The following MKNK2 variants were observed in gnomAD, a reference collection of about 807,000 sequenced individuals.
MKNK2 encodes the protein MAPK interacting serine/threonine kinase 2, also known as MAP kinase-interacting serine/threonine-protein kinase 2.
Under a neutral mutation model 55.0 loss-of-function variants are expected in MKNK2, and 54 were observed. The ratio of observed to expected loss-of-function variants is 0.98; its 90% CI spans 0.79 to 1.23. The LOEUF is 1.23. Among genes scored for constraint, MKNK2 ranks in the 50% most tolerant of loss-of-function variants. The probability of loss-of-function intolerance (pLI) is 0.00; values close to 1 mark genes in which losing one functional copy is unlikely to be tolerated. For missense variants in MKNK2, 685 were observed against 632.1 expected (o/e 1.08, Z -0.90); for synonymous variants, 323 against 256.0 (o/e 1.26, Z -2.50).
intron 2 of MKNK2, among the ~76,000 whole-genome samples, chr19:2,047,810 C>CT (rs1289983437): frequency 6.6e-6 from 1 of 152,066 alleles, no homozygotes; most frequent in Non-Finnish European, 1.5e-5. Flanking sequence ...CTGGGGCCTG[C>CT]TGAAGGTGGG....
intron 2 of MKNK2, among the ~76,000 whole-genome samples, chr19:2,048,983 G>A (rs541295219): frequency 2.0e-4 from 30 of 152,304 alleles, no homozygotes; most frequent in African/African-American, 6.7e-4. Context: ...GGTGAGACGG[G>A]AGGCAGCTGC....
At chr19:2,041,778 T>G in intron 11 of MKNK2, 62 bp downstream of exon 11, 2 of 1,356,326 alleles carry the variant, frequency 1.5e-6, no homozygotes, top group Non-Finnish European at 1.9e-6. Context: ...GGTTAGGGGG[T>G]GTTCAGGGCA....
In MKNK2 at chr19:2,051,238, G is replaced by C. The variant is rs913372333; in HGVS notation, c.-239C>G. 1 of 144,512 alleles carries C rather than the reference G, an allele frequency of 6.9e-6. No homozygotes were observed. The highest frequency in any genetic ancestry group is 2.8e-5 in the African/African-American group (1 of 35,250). The allele number at this position is 144,512 out of a possible 1,614,324, so 9.0% of individuals were successfully genotyped here. ...TCTACCTGGGCCACCGCCGCTGAGA[G>C]GAGCCGGGCGCGTCGCCGCCGCCGC... On this transcript the variant is annotated 5_prime_UTR_variant, in exon 1 of 14. Transcript: ENST00000250896.
intron 2 of MKNK2, among the ~76,000 whole-genome samples, chr19:2,048,381 C>T (rs147686497): frequency 6.6e-6 from 1 of 152,200 alleles, no homozygotes; most frequent in African/African-American, 2.4e-5. Flanking sequence ...TGGCCCAGCG[C>T]AGGGACTGCC....
At chr19:2,040,285 C>A in intron 12 of MKNK2, 108 bp from the exon 13 acceptor site, 1 of 1,010,826 alleles carries the variant, frequency 9.9e-7, no homozygotes, top group Non-Finnish European at 1.4e-6. Context: ...TCACCAGGAC[C>A]CCACCGGAGA....
At chr19:2,050,639 C>T (rs994809333) in intron 2 of MKNK2, among the ~76,000 whole-genome samples, 162 bp downstream of exon 2, 1 of 152,192 alleles carries the variant, frequency 6.6e-6, no homozygotes, top group South Asian at 2.1e-4. Context: ...CCTCGCACAC[C>T]GACCCCGCTT....
At chr19:2,048,219 GCA>G (rs1254057934) in intron 2 of MKNK2, among the ~76,000 whole-genome samples, 1 of 152,158 alleles carries the variant, frequency 6.6e-6, no homozygotes, top group African/African-American at 2.4e-5. Flanking sequence ...GTTGCACTGG[GCA>G]GGCTGGGGCT....
At chr19:2,041,268 C>T (rs2016875637) in intron 11 of MKNK2, 64 bp from the exon 12 acceptor site, 7 of 1,542,986 alleles carry the variant, frequency 4.5e-6, no homozygotes, top group Admixed American at 1.8e-5. Context: ...TGCACTGACA[C>T]GTGGCTCCAA....
chr19:2,040,872 C>A (rs985744847), intron 12 of MKNK2, 168 bp downstream of exon 12: 1 of 684,168 alleles, frequency 1.5e-6, no homozygotes, highest in African/African-American at 1.8e-5. Context: ...CACAGGCGGG[C>A]GGTGGGGATT....
chr19:2,047,423 G>T (rs1241984385), intron 2 of MKNK2, among the ~76,000 whole-genome samples: 1 of 152,178 alleles, frequency 6.6e-6, no homozygotes, highest in Non-Finnish European at 1.5e-5. Context: ...TTGCGGGGAG[G>T]GGACAGACAC....
chr19:2,042,717 A>C, intron 8 of MKNK2, 49 bp downstream of exon 8: 1 of 1,547,652 alleles, frequency 6.5e-7, no homozygotes. Context: ...GTCTTCCAGG[A>C]GTCCTTGGCA....
intron 7 of MKNK2, 55 bp from the exon 8 acceptor site, chr19:2,042,925 C>T: frequency 1.3e-6 from 2 of 1,504,706 alleles, no homozygotes; most frequent in South Asian, 1.2e-5. Flanking sequence ...ACCTCAAAGT[C>T]CCCTCAAGGC....
rs1259709048 is a variant in MKNK2, at chr19:2,039,309, G to C, written c.*304C>G. On this transcript the variant is annotated 3_prime_UTR_variant, in exon 14 of 14. Transcript: ENST00000250896. ...GTGACCTGGGGGCACCTTCATAGTAGAGGTGAGCAGGGCGGGGGACCGGGG... is the reference window on the plus strand; with the variant it reads ...GTGACCTGGGGGCACCTTCATAGTACAGGTGAGCAGGGCGGGGGACCGGGG... The C allele has an allele frequency of 3.2e-6, 4 of 1,259,006 alleles. No individual in the cohort carries two copies. In the African/African-American group the frequency reaches 4.5e-5, roughly 14 times the overall value. The allele number at this position is 1,259,006 out of a possible 1,614,324, so 78.0% of individuals were successfully genotyped here.
In MKNK2 at chr19:2,040,175, G is replaced by T; in HGVS notation, c.1113C>A (p.Cys371Ter). ...GAGTGGGCAAGGTGTTCTCCGGGGC[G>T]CACTGCAACGAGAGTGGGCGGGGGC... ...QVLQHPWVQGCAPENTLPTPM... is the reference protein window; with the variant it reads ...QVLQHPWVQG The change falls in exon 13 of 14, where the codon TGC (cysteine) becomes TGA (stop). Residue 371 changes from cysteine (C) to a stop codon, truncating the protein, a stop_gained and splice_region_variant. Transcript: ENST00000250896. LOFTEE classifies it high-confidence loss of function. 3 of 1,581,098 alleles carry T rather than the reference G, an allele frequency of 1.9e-6. No homozygotes were observed. Among genetic ancestry groups the T allele is most frequent in the Non-Finnish European group, 2.6e-6 (3 of 1,164,828 alleles).
Position 2,041,163 on chromosome 19 carries a change from G to A in MKNK2, c.987C>T (p.Phe329=), listed in dbSNP as rs776091288. 23 of 1,613,876 alleles carry A rather than the reference G, an allele frequency of 1.4e-5. No individual in the cohort carries two copies. In the East Asian group the frequency reaches 4.2e-4, roughly 30 times the overall value. The change falls in exon 12 of 14, where the codon TTC becomes TTT. Residue 329 remains phenylalanine (F), a synonymous_variant. Transcript: ENST00000250896. ...AGATGTGGGCCCAGTCCTTGTCGGG[G>A]AACTCGTACTTGCCCTCCTGGATGC... is the stretch of plus-strand genomic sequence containing the variant. The part of the protein sequence containing the change: ...FESIQEGKYE[F]PDKDWAHISC...
chr19:2,040,317 C>T, intron 12 of MKNK2, 140 bp from the exon 13 acceptor site: 1 of 748,868 alleles, frequency 1.3e-6, no homozygotes, highest in South Asian at 1.9e-5. Flanking sequence ...CCTGGGTGCC[C>T]CGGGAGCCAA....
rs1448375254 is a variant in MKNK2 at position 2,037,618 on chromosome 19, A to G, written c.*1995T>C. 11 of 788,040 alleles carry G rather than the reference A, an allele frequency of 1.4e-5. No homozygotes were observed. Among genetic ancestry groups the G allele is most frequent in the African/African-American group, 1.8e-5 (1 of 54,510 alleles). The allele number at this position is 788,040 out of a possible 1,614,324, so 48.8% of individuals were successfully genotyped here. On this transcript the variant is annotated 3_prime_UTR_variant, in exon 14 of 14. Transcript: ENST00000250896. ...CTTGGATGTTTTTCCCCCACTTTAA[A>G]AAAACTTTTGAGGTTTTTTTTTTTT...
Position 2,040,509 on chromosome 19 carries a change from T to C in MKNK2, c.1111-332A>G, listed in dbSNP as rs2016853440. 5 of 368,688 alleles carry C rather than the reference T, an allele frequency of 1.4e-5. No homozygotes were observed. The South Asian group carries it at 3.2e-4, about 23-fold the overall frequency. 22.8% of individuals were successfully genotyped at this position (368,688 alleles called of 1,614,324 possible). A position where few individuals can be genotyped will look rare whatever the true frequency, so the allele number is the denominator to read the frequency against. Reference sequence around the variant, plus strand: ...CTCCGCCCCCCTCTTAACCCATGGGTCTCTGGATGCTTCTGCAAGGAGATT... The same window carrying C: ...CTCCGCCCCCCTCTTAACCCATGGGCCTCTGGATGCTTCTGCAAGGAGATT... On this transcript the variant is annotated intron_variant, in intron 12 of 13. Coordinates refer to ENST00000250896, the MANE Select transcript of MKNK2 (RefSeq NM_199054.3).
At chr19:2,039,897 C>T (rs756745073) in intron 13 of MKNK2, 41 bp from the exon 14 acceptor site, 2 of 1,566,688 alleles carry the variant, frequency 1.3e-6, no homozygotes, top group Admixed American at 1.7e-5. Flanking sequence ...CAAGAGGCAC[C>T]CCTCAGGGGA....
Sources: gnomAD v4.1 joint callset for allele counts (sites outside exome capture counted in the v4.1 genomes callset) on GRCh38, gnomAD v4.1.1 for gene constraint, MANE v1.5 for transcripts, NCBI Gene and HGNC (gene_info 2026-07-23, HGNC 2026-07-21) for gene names.